SPAST: variants seen among roughly 807,000 people sequenced by gnomAD.
SPAST encodes spastic paraplegia 4 (autosomal dominant; spastin).
A neutral mutation model predicts 76.6 loss-of-function variants in SPAST; 30 were observed. That is an observed-to-expected ratio of 0.39 (90% CI 0.29 to 0.53). The LOEUF is 0.53. Ranked by LOEUF, SPAST falls within the 20% of genes least tolerant of loss-of-function variation. SPAST has a pLI of 0.68. For synonymous variants in SPAST, 305 were observed against 281.0 expected, an observed-to-expected ratio of 1.09 and a Z score of -0.86; for missense variants, 717 against 770.5, an observed-to-expected ratio of 0.93 and a Z score of 0.82.
chr2:32,121,535 CTT>C (rs34519148), intron 7 of SPAST, among the ~76,000 whole-genome samples: 9 of 102,738 alleles, frequency 8.8e-5, no homozygotes, highest in Admixed American at 1.2e-4. Flanking sequence ...ATCTTTCTCA[CTT>C]TTTTTTTTTT....
chr2:32,144,974 T>C lies in SPAST; in HGVS notation c.1654T>C (p.Leu552=), dbSNP rs748385217. Residue 552 remains leucine (L), a synonymous_variant, in exon 15 of 17, where the codon TTG becomes CTG. Coordinates refer to ENST00000315285, the MANE Select transcript of SPAST (RefSeq NM_014946.4). ...DGYSGSDLTA[L]AKDAALGPIR... is the part of the protein sequence containing the mutation. ...ATACTCAGGAAGTGACCTAACAGCT[T>C]TGGCAAAAGATGCAGCACTGGGTCC... 4 of 1,613,260 alleles carry C rather than the reference T, an allele frequency of 2.5e-6. No individual in the cohort carries two copies. Among genetic ancestry groups the C allele is most frequent in the Middle Eastern group, 1.6e-4 (1 of 6,062 alleles).
chr2:32,119,290 AT>A (rs1678941314), intron 7 of SPAST, among the ~76,000 whole-genome samples: 1 of 152,188 alleles, frequency 6.6e-6, no homozygotes, highest in Non-Finnish European at 1.5e-5. Flanking sequence ...GGTAAGACTT[AT>A]CCCATAACAC....
At chr2:32,150,073 T>TC (rs1187983506) in intron 16 of SPAST, among the ~76,000 whole-genome samples, 1 of 146,582 alleles carries the variant, frequency 6.8e-6, no homozygotes, top group East Asian at 2.0e-4. Flanking sequence ...CTTTCTTTCT[T>TC]TTTTTTTTTT....
intron 14 of SPAST, among the ~76,000 whole-genome samples, chr2:32,143,669 A>T (rs1434659633): frequency 1.3e-5 from 2 of 152,112 alleles, no homozygotes; most frequent in African/African-American, 4.8e-5. Context: ...TTATAAATTT[A>T]TTAAAACCTG....
chr2:32,099,880 A>G (rs1440193441), intron 4 of SPAST, among the ~76,000 whole-genome samples: 1 of 152,042 alleles, frequency 6.6e-6, no homozygotes, highest in Non-Finnish European at 1.5e-5. Flanking sequence ...TTCTGTGTGT[A>G]TATATACCAC....
At chr2:32,123,884 A>C (rs1417526865) in intron 7 of SPAST, among the ~76,000 whole-genome samples, 2 of 152,202 alleles carry the variant, frequency 1.3e-5, no homozygotes, top group Non-Finnish European at 2.9e-5. Flanking sequence ...TCATAGACCT[A>C]AATGTAACAT....
chr2:32,068,906 A>AG (rs1419440104), intron 1 of SPAST, among the ~76,000 whole-genome samples: 1 of 151,394 alleles, frequency 6.6e-6, no homozygotes, highest in Non-Finnish European at 1.5e-5. Flanking sequence ...AAAAAAAAAA[A>AG]AAGGCTGGGC....
chr2:32,079,634 C>T (rs1236152018), intron 1 of SPAST, among the ~76,000 whole-genome samples: 12 of 148,798 alleles, frequency 8.1e-5, no homozygotes, highest in Admixed American at 4.0e-4. Context: ...AATCAACTCA[C>T]TGCAGCCTCC....
chr2:32,084,675 C>T (rs932028383), intron 1 of SPAST, among the ~76,000 whole-genome samples: 3 of 151,040 alleles, frequency 2.0e-5, no homozygotes, highest in Non-Finnish European at 4.4e-5. Context: ...CACCTGAGGT[C>T]GGGAGTTTGA....
At chr2:32,108,475 A>G (rs1360917556) in intron 4 of SPAST, among the ~76,000 whole-genome samples, 2 of 152,106 alleles carry the variant, frequency 1.3e-5, no homozygotes, top group African/African-American at 2.4e-5. Flanking sequence ...TATCACAGTT[A>G]TATACATCTT....
chr2:32,126,887 G>A (rs2148744811), intron 7 of SPAST, 61 bp from the exon 8 acceptor site: 2 of 1,163,398 alleles, frequency 1.7e-6, no homozygotes, highest in Admixed American at 1.7e-5. Context: ...TTTTTAGATG[G>A]CAAAGAGTAC....
chr2:32,137,066 A>G (rs1352609148), intron 11 of SPAST, 43 bp from the exon 12 acceptor site: 40 of 1,566,708 alleles, frequency 2.6e-5, no homozygotes, highest in Non-Finnish European at 3.4e-5. Flanking sequence ...TATATTTGTT[A>G]TTACTTTTCT....
intron 9 of SPAST, among the ~76,000 whole-genome samples, chr2:32,134,923 C>T (rs890407570): frequency 2.6e-5 from 4 of 151,108 alleles, no homozygotes; most frequent in Middle Eastern, 3.4e-3. Context: ...CTTGAACTCC[C>T]GACCTCAGGT....
At chr2:32,144,227 A>G (rs757671247) in intron 14 of SPAST, among the ~76,000 whole-genome samples, 1 of 152,230 alleles carries the variant, frequency 6.6e-6, no homozygotes, top group African/African-American at 2.4e-5. Context: ...CTTTCTGTCT[A>G]TCCCCTTATT....
At chr2:32,096,220 A>AG (rs1417093307) in intron 3 of SPAST, among the ~76,000 whole-genome samples, 1 of 129,778 alleles carries the variant, frequency 7.7e-6, no homozygotes, top group Non-Finnish European at 1.8e-5. Context: ...AGATCACCTG[A>AG]GGTCAGGAGT....
intron 1 of SPAST, among the ~76,000 whole-genome samples, chr2:32,076,134 C>G (rs1427197908): frequency 1.3e-5 from 2 of 151,780 alleles, no homozygotes; most frequent in African/African-American, 2.4e-5. Context: ...CTCCTCGCCT[C>G]GTGTGATCCA....
At chr2:32,129,174 G>T (rs1679289542) in intron 9 of SPAST, 1 of 152,142 alleles carries the variant, frequency 6.6e-6, no homozygotes, top group African/African-American at 2.4e-5. Flanking sequence ...TAGGAACACA[G>T]ATCTGATGGC....
intron 16 of SPAST, among the ~76,000 whole-genome samples, chr2:32,153,796 G>A (rs1272921482): frequency 6.6e-6 from 1 of 151,954 alleles, no homozygotes; most frequent in Non-Finnish European, 1.5e-5. Context: ...CATACTTTAG[G>A]CTGGGCAAAG....
intron 16 of SPAST, among the ~76,000 whole-genome samples, chr2:32,148,973 C>CA (rs562176832): frequency 7.6e-4 from 97 of 128,300 alleles, no homozygotes; most frequent in Middle Eastern, 8.4e-3. Flanking sequence ...GACCCAGTCT[C>CA]AAAAAAAAAA....
Sources: gnomAD v4.1 joint callset for allele counts (sites outside exome capture counted in the v4.1 genomes callset) on GRCh38, gnomAD v4.1.1 for gene constraint, MANE v1.5 for transcripts, NCBI Gene and HGNC (gene_info 2026-07-23, HGNC 2026-07-21) for gene names.